The following FRMD4B variants were observed in gnomAD, a reference collection of about 807,000 sequenced individuals.
The protein encoded by FRMD4B is FERM domain containing 4B.
Under a neutral mutation model 141.5 loss-of-function variants are expected in FRMD4B, and 74 were observed. The observed-to-expected ratio is 0.52, with a 90% CI of 0.43 to 0.63. The LOEUF is 0.63. Among genes scored for constraint, FRMD4B ranks in the 30% least tolerant of loss-of-function variants. The pLI, the probability that FRMD4B is intolerant of heterozygous loss-of-function variation, is 0.00. For synonymous variants in FRMD4B, 506 were observed against 467.9 expected, an observed-to-expected ratio of 1.08 and a Z score of -1.05; for missense variants, 1,366 against 1,253.4, an observed-to-expected ratio of 1.09 and a Z score of -1.36.
chr3:69,220,980 T>TA (rs71115662), intron 9 of FRMD4B, among the ~76,000 whole-genome samples: 2 of 151,956 alleles, frequency 1.3e-5, no homozygotes, highest in African/African-American at 4.8e-5. Flanking sequence ...TTTTTTTTTT[T>TA]GAGACAGAGT....
intron 7 of FRMD4B, among the ~76,000 whole-genome samples, chr3:69,245,834 G>GTTTTTTTTTTT (rs1183774603): frequency 2.6e-5 from 2 of 78,342 alleles, no homozygotes; most frequent in Admixed American, 1.5e-4. Flanking sequence ...AGGCTAATTT[G>GTTTTTTTTTTT]TTTTTTTTTT....
intron 1 of FRMD4B, among the ~76,000 whole-genome samples, chr3:69,440,218 A>G (rs1321375240): frequency 2.6e-5 from 4 of 152,154 alleles, no homozygotes; most frequent in Non-Finnish European, 5.9e-5. Context: ...AATCCATCTC[A>G]CAATTTATTC....
intron 9 of FRMD4B, among the ~76,000 whole-genome samples, chr3:69,220,523 T>C (rs1389253302): frequency 6.6e-6 from 1 of 152,214 alleles, no homozygotes; most frequent in Non-Finnish European, 1.5e-5. Flanking sequence ...TTCTGATTTC[T>C]GCTGCAAAGA....
chr3:69,518,559 T>C (rs1700801220), intron 1 of FRMD4B, among the ~76,000 whole-genome samples: 1 of 152,184 alleles, frequency 6.6e-6, no homozygotes, highest in Non-Finnish European at 1.5e-5. Flanking sequence ...CTACTATCCT[T>C]TTCTTAAGGA....
At chr3:69,376,569 CA>C (rs958349316) in intron 1 of FRMD4B, among the ~76,000 whole-genome samples, 48 of 149,848 alleles carry the variant, frequency 3.2e-4, no homozygotes, top group South Asian at 4.2e-4. Flanking sequence ...ATTTAAGAGA[CA>C]AAAAAATGAC....
At chr3:69,268,506 A>G (rs754230500) in intron 5 of FRMD4B, among the ~76,000 whole-genome samples, 28 of 152,068 alleles carry the variant, frequency 1.8e-4, no homozygotes, top group Non-Finnish European at 4.1e-4. Context: ...ACAGCATTCT[A>G]ATTGCTTAAA....
chr3:69,253,402 CTGTGGAAAAATGAATCCA>C (rs370858922), intron 5 of FRMD4B, among the ~76,000 whole-genome samples: 115 of 152,092 alleles, frequency 7.6e-4, no homozygotes, highest in Middle Eastern at 3.4e-3. Context: ...ACAGGTGAGG[CTGTGGAAAAATGAATCCA>C]AAGGCTATCT....
chr3:69,230,440 C>A (rs1350098073), intron 7 of FRMD4B, among the ~76,000 whole-genome samples: 1 of 151,992 alleles, frequency 6.6e-6, no homozygotes. Flanking sequence ...CCTAGAGAAA[C>A]TTATATACAA....
chr3:69,328,574 T>A (rs946690207), intron 1 of FRMD4B, among the ~76,000 whole-genome samples: 1 of 151,992 alleles, frequency 6.6e-6, no homozygotes, highest in African/African-American at 2.4e-5. Flanking sequence ...AGGGCTGGTA[T>A]CACAAGATAC....
chr3:69,478,200 T>C (rs1380434106), intron 1 of FRMD4B, among the ~76,000 whole-genome samples: 3 of 152,158 alleles, frequency 2.0e-5, no homozygotes, highest in Non-Finnish European at 2.9e-5. Flanking sequence ...GTGTCTCTAT[T>C]TCCTTCAGTT....
At chr3:69,334,289 G>A (rs1702469898) in intron 1 of FRMD4B, 1 of 152,078 alleles carries the variant, frequency 6.6e-6, no homozygotes, top group Non-Finnish European at 1.5e-5. Flanking sequence ...TCACCACTGA[G>A]GTCCCCCTCC....
At chr3:69,502,371 A>C (rs576454450) in intron 1 of FRMD4B, among the ~76,000 whole-genome samples, 10 of 152,332 alleles carry the variant, frequency 6.6e-5, no homozygotes, top group African/African-American at 2.2e-4. Context: ...CCTCAGAAAT[A>C]ATACCACACA....
chr3:69,478,726 T>C (rs1291706284), intron 1 of FRMD4B, among the ~76,000 whole-genome samples: 3 of 152,180 alleles, frequency 2.0e-5, no homozygotes, highest in Non-Finnish European at 4.4e-5. Flanking sequence ...TAGGTCTGCT[T>C]GGTGCAGAGC....
chr3:69,207,182 A>C (rs1183197487), intron 11 of FRMD4B, among the ~76,000 whole-genome samples: 1 of 152,020 alleles, frequency 6.6e-6, no homozygotes, highest in Non-Finnish European at 1.5e-5. Flanking sequence ...GCACATGCCT[A>C]TAGTCCTAGC....
In FRMD4B at chr3:69,189,710, C is replaced by T. The variant is rs146272507; in HGVS notation, c.1771+186G>A. Among the ~76,000 whole-genome samples, 272 of 152,278 alleles carry T rather than the reference C, an allele frequency of 1.8e-3. 1 individual carries two copies. Among genetic ancestry groups the T allele is most frequent in the Admixed American group, 4.4e-3 (67 of 15,296 alleles). ...GTGATTTTTGTGGTCCTGTTATTAA[C>T]GCTGAGTTAACCTGAGTAGGTGTTA... On this transcript the variant is annotated intron_variant, in intron 18 of 22. Transcript: ENST00000398540.
At chr3:69,354,263 A>C (rs1203996334) in intron 1 of FRMD4B, among the ~76,000 whole-genome samples, 1 of 152,204 alleles carries the variant, frequency 6.6e-6, no homozygotes, top group Non-Finnish European at 1.5e-5. Context: ...TCATTCAGTG[A>C]ATAGGAAATA....
At chr3:69,242,695 G>GAAAAAA (rs534090647) in intron 7 of FRMD4B, among the ~76,000 whole-genome samples, 5 of 124,676 alleles carry the variant, frequency 4.0e-5, no homozygotes, top group African/African-American at 1.5e-4. Flanking sequence ...AAAATCTTAG[G>GAAAAAA]AAAAAAAAAA....
In FRMD4B at chr3:69,195,136, G is replaced by A. The variant is rs1158424119; in HGVS notation, c.1374C>T (p.Leu458=). 2 of 1,613,974 alleles carry A rather than the reference G, an allele frequency of 1.2e-6. No homozygotes were observed. The highest frequency in any genetic ancestry group is 8.5e-7 in the Non-Finnish European group (1 of 1,179,888). ...LKKICLREAE[L]TGKMPKEYPL... Reference sequence around the variant, plus strand: ...GATACTCCTTTGGCATTTTGCCTGTGAGCTCCTGTAAAACAGGACAGAATC... The same window carrying A: ...GATACTCCTTTGGCATTTTGCCTGTAAGCTCCTGTAAAACAGGACAGAATC... The change falls in exon 16 of 23, where the codon CTC becomes CTT. Residue 458 remains leucine, a synonymous_variant. Transcript: ENST00000398540.
At chr3:69,313,141 T>G (rs761443706) in intron 2 of FRMD4B, among the ~76,000 whole-genome samples, 46 of 152,144 alleles carry the variant, frequency 3.0e-4, no homozygotes, top group Non-Finnish European at 4.9e-4. Context: ...GGCAAGAGAC[T>G]CAGAGAAGTA....
Sources: gnomAD v4.1 joint callset for allele counts (sites outside exome capture counted in the v4.1 genomes callset) on GRCh38, gnomAD v4.1.1 for gene constraint, MANE v1.5 for transcripts, NCBI Gene and HGNC (gene_info 2026-07-23, HGNC 2026-07-21) for gene names.